Variants in ATRNL1 observed in about 807,000 individuals in gnomAD.
ATRNL1 encodes the protein attractin-like protein 1.
Under a neutral mutation model 182.7 loss-of-function variants are expected in ATRNL1, and 95 were observed. That is an observed-to-expected ratio of 0.52 (90% CI 0.44 to 0.62). The LOEUF is 0.62. Ranked by LOEUF, ATRNL1 falls within the 20% of genes least tolerant of loss-of-function variation. The pLI is 0.00. For synonymous variants in ATRNL1, 576 were observed against 568.3 expected (o/e 1.01, Z -0.19); for missense variants, 1,471 against 1,679.5 (o/e 0.88, Z 2.17).
chr10:115,253,998 G>T (rs1476514922), intron 10 of ATRNL1, among the ~76,000 whole-genome samples: 2 of 152,130 alleles, frequency 1.3e-5, no homozygotes, highest in Admixed American at 6.5e-5. Context: ...GTATTCCATG[G>T]TGCATATGTG....
intron 26 of ATRNL1, among the ~76,000 whole-genome samples, chr10:115,626,929 A>G (rs1858143742): frequency 1.3e-5 from 2 of 152,170 alleles, no homozygotes; most frequent in African/African-American, 4.8e-5. Flanking sequence ...TCTATCTCCT[A>G]ATATTTAACA....
At chr10:115,391,164 G>A (rs1425011239) in intron 19 of ATRNL1, among the ~76,000 whole-genome samples, 3 of 152,036 alleles carry the variant, frequency 2.0e-5, no homozygotes, top group Non-Finnish European at 4.4e-5. Context: ...CTTCCTTTCT[G>A]TCTGTTTGCT....
chr10:115,124,560 G>A (rs1554872781), intron 3 of ATRNL1, among the ~76,000 whole-genome samples: 1 of 152,126 alleles, frequency 6.6e-6, no homozygotes, highest in African/African-American at 2.4e-5. Flanking sequence ...TGGCCATGAG[G>A]CTGAACTCAA....
At chr10:115,296,235 G>T (rs1267181315) in intron 15 of ATRNL1, among the ~76,000 whole-genome samples, 1 of 152,138 alleles carries the variant, frequency 6.6e-6, no homozygotes, top group Non-Finnish European at 1.5e-5. Flanking sequence ...CAGGGCAAAG[G>T]CTGGGTGCCT....
chr10:115,579,421 T>C (rs1555006484), intron 26 of ATRNL1, among the ~76,000 whole-genome samples: 1 of 151,876 alleles, frequency 6.6e-6, no homozygotes, highest in East Asian at 1.9e-4. Flanking sequence ...GAATAATCTC[T>C]TTCTCATTAT....
intron 5 of ATRNL1, among the ~76,000 whole-genome samples, chr10:115,149,226 A>T (rs1554880050): frequency 6.6e-6 from 1 of 152,156 alleles, no homozygotes; most frequent in Non-Finnish European, 1.5e-5. Context: ...ACAAAAGGGA[A>T]GGGAAAATCT....
chr10:115,769,864 C>T (rs1555075904), intron 27 of ATRNL1, among the ~76,000 whole-genome samples: 1 of 152,062 alleles, frequency 6.6e-6, no homozygotes, highest in Non-Finnish European at 1.5e-5. Flanking sequence ...CTTATTCTTA[C>T]TGCTAAAATC....
At chr10:115,769,315 T>C (rs145839336) in intron 27 of ATRNL1, among the ~76,000 whole-genome samples, 200 of 152,258 alleles carry the variant, frequency 1.3e-3, no homozygotes, top group African/African-American at 4.4e-3. Flanking sequence ...TGCTAAATAG[T>C]GCACATTTTC....
chr10:115,935,258 G>T (rs1046716302), intron 28 of ATRNL1, among the ~76,000 whole-genome samples: 19 of 152,114 alleles, frequency 1.2e-4, no homozygotes, highest in Non-Finnish European at 2.5e-4. Flanking sequence ...AACCTGTATT[G>T]TCATCCACTC....
rs189822287 is a variant in ATRNL1, at chr10:115,112,945, A to G, written c.294-7240A>G. On this transcript the variant is annotated intron_variant, in intron 1 of 28. Transcript: ENST00000355044. ...ACTCGGACCAGATTAACTAGAGATA[A>G]GAGCAGAGGTTTTAGTGGAAATTAT... Among the ~76,000 whole-genome samples, 23 of 152,340 alleles carry G rather than the reference A, an allele frequency of 1.5e-4. 1 individual carries two copies. Among genetic ancestry groups the G allele is most frequent in the Non-Finnish European group, 1.5e-5 (1 of 68,040 alleles).
At chr10:115,894,914 G>C (rs1274937133) in intron 28 of ATRNL1, among the ~76,000 whole-genome samples, 2 of 152,100 alleles carry the variant, frequency 1.3e-5, no homozygotes, top group African/African-American at 4.8e-5. Flanking sequence ...TCAATTAGAT[G>C]GCTCTCAATT....
In ATRNL1 at chr10:115,719,822, T is replaced by A. The variant is rs12258619; in HGVS notation, c.3796-7426T>A. The stretch of plus-strand genomic sequence containing the variant: ...ACACAGCTTTTGTGTTGAGAAAAAT[T>A]CAAATTTTGGTAAAATTCTATCCAC... On this transcript the variant is annotated intron_variant, in intron 26 of 28. Transcript: ENST00000355044. Among the ~76,000 whole-genome samples, 1,362 of 151,580 alleles carry A rather than the reference T, an allele frequency of 9.0e-3. 22 individuals carry two copies. The highest frequency in any genetic ancestry group is 0.031 in the African/African-American group (1,287 of 41,332).
intron 5 of ATRNL1, among the ~76,000 whole-genome samples, chr10:115,138,936 G>C (rs754598985): frequency 6.6e-6 from 1 of 152,168 alleles, no homozygotes; most frequent in Non-Finnish European, 1.5e-5. Context: ...CAGAATCCAA[G>C]TCATATCTTG....
chr10:115,698,508 G>A (rs1426877156), intron 26 of ATRNL1, among the ~76,000 whole-genome samples: 2 of 151,986 alleles, frequency 1.3e-5, no homozygotes, highest in African/African-American at 2.4e-5. Flanking sequence ...GGCTGGGCAC[G>A]GTGGCTCAAG....
chr10:115,209,695 G>A (rs17795643), intron 8 of ATRNL1, among the ~76,000 whole-genome samples: 2,265 of 151,786 alleles, frequency 0.015, 21 homozygotes, highest in South Asian at 0.026. Context: ...TCACGCATAT[G>A]CAAATAACAA....
intron 13 of ATRNL1, among the ~76,000 whole-genome samples, chr10:115,278,812 C>T (rs1852217869): frequency 6.6e-6 from 1 of 152,076 alleles, no homozygotes; most frequent in Admixed American, 6.6e-5. Flanking sequence ...AATGTCAAGT[C>T]AGTTGGATGA....
chr10:115,383,521 G>T (rs903216877), intron 19 of ATRNL1, among the ~76,000 whole-genome samples: 1 of 151,626 alleles, frequency 6.6e-6, no homozygotes, highest in East Asian at 1.9e-4. Context: ...GTTTATGTTT[G>T]TAAGTTTATA....
At chr10:115,624,335 C>G (rs1857959556) in intron 26 of ATRNL1, among the ~76,000 whole-genome samples, 1 of 151,836 alleles carries the variant, frequency 6.6e-6, no homozygotes, top group African/African-American at 2.4e-5. Context: ...AAATATTAAA[C>G]AGTATTTTAT....
chr10:115,593,384 C>T (rs945293563), intron 26 of ATRNL1, among the ~76,000 whole-genome samples: 3 of 152,126 alleles, frequency 2.0e-5, no homozygotes, highest in Admixed American at 2.0e-4. Flanking sequence ...GGTATTGGCA[C>T]AAAAGCAGAA....
Sources: gnomAD v4.1 joint callset for allele counts (sites outside exome capture counted in the v4.1 genomes callset) on GRCh38, gnomAD v4.1.1 for gene constraint, MANE v1.5 for transcripts, NCBI Gene and HGNC (gene_info 2026-07-23, HGNC 2026-07-21) for gene names.